The following APP variants were observed in gnomAD, a reference collection of about 807,000 sequenced individuals.
APP encodes amyloid-beta precursor protein.
Under a neutral mutation model 101.4 loss-of-function variants are expected in APP, and 31 were observed. The ratio of observed to expected loss-of-function variants is 0.31; its 90% CI spans 0.23 to 0.41. APP has a LOEUF of 0.41. Ranked by LOEUF, APP falls within the 10% of genes least tolerant of loss-of-function variation. The pLI is 1.00. For synonymous variants in APP, 366 were observed against 364.4 expected (o/e 1.00, Z -0.05); for missense variants, 839 against 1,003.7 (o/e 0.84, Z 2.22).
At chr21:25,988,266 A>C (rs1221920378) in intron 8 of APP, among the ~76,000 whole-genome samples, 1 of 152,198 alleles carries the variant, frequency 6.6e-6, no homozygotes, top group Non-Finnish European at 1.5e-5. Flanking sequence ...GAAATGGGGG[A>C]CATCATGTAC....
chr21:26,058,763 C>G (rs115544969), intron 3 of APP, among the ~76,000 whole-genome samples: 1 of 151,946 alleles, frequency 6.6e-6, no homozygotes, highest in Non-Finnish European at 1.5e-5. Context: ...TAGAGAGACC[C>G]TACCTCTAAA....
chr21:26,164,283 A>G (rs2063560777), intron 1 of APP, among the ~76,000 whole-genome samples: 1 of 152,232 alleles, frequency 6.6e-6, no homozygotes, highest in Non-Finnish European at 1.5e-5. Flanking sequence ...TTATTTTGAA[A>G]CTGATTTCCT....
rs554227412 is a variant in APP at position 26,098,034 on chromosome 21, C to T, written c.226-7962G>A. Among the ~76,000 whole-genome samples, 330 of 138,560 alleles carry T rather than the reference C, an allele frequency of 2.4e-3. 1 individual carries two copies. The highest frequency in any genetic ancestry group is 8.8e-3 in the African/African-American group (321 of 36,680). The allele number at this position is 138,560 out of a possible 152,430, so 90.9% of individuals were successfully genotyped here. A position where few individuals can be genotyped will look rare whatever the true frequency, so the allele number is the denominator to read the frequency against. On this transcript the variant is annotated intron_variant, in intron 2 of 17. Coordinates refer to ENST00000346798, the MANE Select transcript of APP (RefSeq NM_000484.4). The stretch of plus-strand genomic sequence containing the variant: ...GGCGGAGCTTGCAGTGAGCCGAGAT[C>T]GCGCCACTGCACTCCAGCCTGCGAG...
intron 5 of APP, among the ~76,000 whole-genome samples, chr21:26,038,787 C>T (rs1375677497): frequency 6.6e-5 from 10 of 152,046 alleles, no homozygotes; most frequent in Non-Finnish European, 2.9e-5. Context: ...ACATCCCATG[C>T]TGCTGGCCTG....
In APP at chr21:25,954,636, C is replaced by A. The variant is rs199860711; in HGVS notation, c.1641G>T (p.Leu547=). Residue 547 remains leucine, a synonymous_variant, in exon 13 of 18, where the codon CTG becomes CTT. Transcript: ENST00000346798. ...IYERMNQSLS[L]LYNVPAVAEE... ...CGGCCACTGCAGGCACGTTGTAGAG[C>A]AGGGAGAGAGACTGATTCATGCGCT... is the stretch of plus-strand genomic sequence containing the variant. The A allele has an allele frequency of 6.2e-7, 1 of 1,614,132 alleles. No homozygotes were observed. The highest frequency in any genetic ancestry group is 8.5e-7 in the Non-Finnish European group (1 of 1,180,016).
At chr21:26,106,807 G>C (rs2062192159) in intron 2 of APP, among the ~76,000 whole-genome samples, 1 of 152,096 alleles carries the variant, frequency 6.6e-6, no homozygotes, top group South Asian at 2.1e-4. Context: ...TTTGCCTCTA[G>C]GTCTTTCCTC....
At chr21:26,048,713 T>C (rs1325337892) in intron 5 of APP, among the ~76,000 whole-genome samples, 1 of 152,160 alleles carries the variant, frequency 6.6e-6, no homozygotes, top group Non-Finnish European at 1.5e-5. Context: ...TATGGTCTTA[T>C]AAGAAAAAGG....
At chr21:26,058,923 T>C (rs2046151243) in intron 3 of APP, among the ~76,000 whole-genome samples, 1 of 151,450 alleles carries the variant, frequency 6.6e-6, no homozygotes, top group Non-Finnish European at 1.5e-5. Context: ...CTACTAAAAA[T>C]ACAAAAAATT....
chr21:25,978,494 G>A (rs116669520), intron 9 of APP, among the ~76,000 whole-genome samples: 2,976 of 152,196 alleles, frequency 0.02, 89 homozygotes, highest in African/African-American at 0.068. Context: ...AAAGGGAGAG[G>A]GAAGAATATA....
At chr21:26,148,523 A>G (rs2063199718) in intron 1 of APP, among the ~76,000 whole-genome samples, 1 of 152,256 alleles carries the variant, frequency 6.6e-6, no homozygotes, top group East Asian at 1.9e-4. Flanking sequence ...AACAAAATGT[A>G]TGTAGAATTA....
chr21:25,973,858 T>C lies in APP; in HGVS notation c.1458+1212A>G, dbSNP rs2042125784. Among the ~76,000 whole-genome samples the C allele has an allele frequency of 4.0e-5, 6 of 148,882 alleles. No homozygotes were observed. The South Asian group carries it at 1.3e-3, about 32-fold the overall frequency. ...GGGAGGCTGAGGCATGAGAATTGCT[T>C]AAACCCAGGAGACAGAAGTTGCAGT... On this transcript the variant is annotated intron_variant, in intron 11 of 17. Transcript: ENST00000346798.
At chr21:25,985,614 T>C (rs73899739) in intron 8 of APP, among the ~76,000 whole-genome samples, 2,336 of 152,190 alleles carry the variant, frequency 0.015, 69 homozygotes, top group African/African-American at 0.053. Context: ...AGACAACAGA[T>C]TGTGGGACTT....
chr21:25,894,454 T>G (rs1281019620), intron 16 of APP, among the ~76,000 whole-genome samples: 1 of 152,132 alleles, frequency 6.6e-6, no homozygotes, highest in Non-Finnish European at 1.5e-5. Context: ...CTGTGATCCA[T>G]GGGAGATCAA....
intron 1 of APP, among the ~76,000 whole-genome samples, chr21:26,124,943 G>A (rs1286440920): frequency 6.6e-6 from 1 of 152,218 alleles, no homozygotes; most frequent in Non-Finnish European, 1.5e-5. Flanking sequence ...TCCAATGGTG[G>A]AGACACAAAT....
chr21:25,983,717 G>A (rs1342522051), intron 8 of APP, among the ~76,000 whole-genome samples: 2 of 152,162 alleles, frequency 1.3e-5, no homozygotes, highest in Non-Finnish European at 1.5e-5. Context: ...AATAAAAGCA[G>A]TTGAGTGTCT....
At chr21:25,908,264 T>C (rs1042776505) in intron 14 of APP, among the ~76,000 whole-genome samples, 1 of 152,230 alleles carries the variant, frequency 6.6e-6, no homozygotes, top group Admixed American at 6.5e-5. Flanking sequence ...AAAAAATTGT[T>C]AAGGCAAATC....
intron 10 of APP, 22 bp from the exon 11 acceptor site, chr21:25,975,250 T>C: frequency 6.2e-7 from 1 of 1,614,108 alleles, no homozygotes; most frequent in Non-Finnish European, 8.5e-7. Flanking sequence ...AACACATATG[T>C]CCATGGGGAC....
chr21:25,961,333 G>C (rs2041569651), intron 11 of APP, among the ~76,000 whole-genome samples: 1 of 152,114 alleles, frequency 6.6e-6, no homozygotes, highest in African/African-American at 2.4e-5. Flanking sequence ...ACCACTTTGG[G>C]CACATGTCAT....
chr21:25,934,177 G>A (rs993904134), intron 13 of APP: 1 of 152,348 alleles, frequency 6.6e-6, no homozygotes, highest in Admixed American at 6.5e-5. Context: ...AGCAGCACTA[G>A]AGCAAGCGAA....
Sources: allele counts gnomAD v4.1 joint callset (sites outside exome capture counted in the v4.1 genomes callset), GRCh38; gene constraint gnomAD v4.1.1; transcripts MANE v1.5; gene names NCBI Gene and HGNC (gene_info 2026-07-23, HGNC 2026-07-21).